The following SIPA1L1 variants were observed in gnomAD, a reference collection of about 807,000 sequenced individuals.
SIPA1L1 encodes signal-induced proliferation-associated 1-like protein 1.
Under a neutral mutation model 162.7 loss-of-function variants are expected in SIPA1L1, and 26 were observed. The ratio of observed to expected loss-of-function variants is 0.16; its 90% CI spans 0.12 to 0.22. The LOEUF is 0.22. SIPA1L1 is among the 10% of genes least tolerant of loss of function. The pLI is 1.00. For missense variants in SIPA1L1, 1,874 were observed against 2,241.0 expected, an observed-to-expected ratio of 0.84 and a Z score of 3.31; for synonymous variants, 829 against 837.4, an observed-to-expected ratio of 0.99 and a Z score of 0.17.
chr14:71,489,476 G>A (rs1291501864), intron 2 of SIPA1L1, among the ~76,000 whole-genome samples: 1 of 152,116 alleles, frequency 6.6e-6, no homozygotes, highest in African/African-American at 2.4e-5. Flanking sequence ...ACTAGGAAAG[G>A]TTAGAGAACA....
intron 4 of SIPA1L1, among the ~76,000 whole-genome samples, chr14:71,553,876 C>A (rs995595158): frequency 1.3e-5 from 2 of 152,000 alleles, no homozygotes; most frequent in Non-Finnish European, 2.9e-5. Context: ...TAAATTGAGA[C>A]CTTAGCATAG....
intron 7 of SIPA1L1, among the ~76,000 whole-genome samples, chr14:71,642,818 A>C (rs907543186): frequency 6.6e-5 from 10 of 152,198 alleles, no homozygotes; most frequent in Admixed American, 5.2e-4. Flanking sequence ...CATTAAGTAG[A>C]AATCTGGAAA....
At chr14:71,412,806 T>TTA (rs2042499017) in intron 2 of SIPA1L1, among the ~76,000 whole-genome samples, 2 of 152,244 alleles carry the variant, frequency 1.3e-5, no homozygotes, top group African/African-American at 4.8e-5. Flanking sequence ...TTGGAAGCTC[T>TTA]TATGGACGTG....
At chr14:71,726,451 A>C (rs915228991) in intron 19 of SIPA1L1, among the ~76,000 whole-genome samples, 1 of 152,188 alleles carries the variant, frequency 6.6e-6, no homozygotes, top group Admixed American at 6.5e-5. Context: ...TTTTCTTCCA[A>C]CTCCTAGTTT....
chr14:71,492,828 A>C (rs1024073771), intron 2 of SIPA1L1, among the ~76,000 whole-genome samples: 1 of 148,290 alleles, frequency 6.7e-6, no homozygotes, highest in South Asian at 2.1e-4. Flanking sequence ...GGTCCACTCT[A>C]TTGCCCAGGC....
In SIPA1L1 at chr14:71,588,666, C is replaced by T. The variant is rs764913437; in HGVS notation, c.794C>T (p.Pro265Leu). The change falls in exon 5 of 24, where the codon CCT becomes CTT. Residue 265 changes from proline to leucine, a missense_variant. Pro to Leu is a moderately conservative substitution (Grantham distance 98). Transcript: ENST00000381232. This position sits in a 1 kb window ranked among gnomAD's most constrained non-coding sequence, Gnocchi z 4.3. ...SGFSLDVIDG[P>L]ISQRENLRLF... is the part of the protein sequence containing the mutation. Reference sequence around the variant, plus strand: ...TTCTCTTTGGATGTAATAGACGGGCCTATCTCACAGAGAGAGAACCTCAGG... The same window carrying T: ...TTCTCTTTGGATGTAATAGACGGGCTTATCTCACAGAGAGAGAACCTCAGG... The T allele has an allele frequency of 1.2e-6, 2 of 1,613,976 alleles. No individual in the cohort carries two copies. Among genetic ancestry groups the T allele is most frequent in the East Asian group, 2.2e-5 (1 of 44,850 alleles).
At chr14:71,676,925 G>T (rs954491743) in intron 12 of SIPA1L1, among the ~76,000 whole-genome samples, 3 of 152,040 alleles carry the variant, frequency 2.0e-5, no homozygotes, top group Admixed American at 6.5e-5. Context: ...GAATAGTGCC[G>T]CAATAAACAT....
chr14:71,531,691 A>G (rs557535228), intron 4 of SIPA1L1, among the ~76,000 whole-genome samples: 1 of 152,208 alleles, frequency 6.6e-6, no homozygotes, highest in Admixed American at 6.5e-5. Context: ...CAGCCTCCCA[A>G]TTAGCTGGGA....
chr14:71,724,618 T>C (rs569550313), intron 18 of SIPA1L1, 52 bp from the exon 19 acceptor site: 1 of 1,529,496 alleles, frequency 6.5e-7, no homozygotes, highest in Non-Finnish European at 8.9e-7. Context: ...ATCATGCCCT[T>C]GAGCCAGCCT....
chr14:71,549,396 A>G (rs977056030), intron 4 of SIPA1L1, among the ~76,000 whole-genome samples: 1 of 151,932 alleles, frequency 6.6e-6, no homozygotes, highest in East Asian at 1.9e-4. Context: ...GCTGTCCCAT[A>G]TGTGAACCAA....
At chr14:71,374,528 A>C (rs2039192778) in intron 2 of SIPA1L1, among the ~76,000 whole-genome samples, 1 of 151,672 alleles carries the variant, frequency 6.6e-6, no homozygotes, top group Admixed American at 6.6e-5. Context: ...TTTACATTTA[A>C]ACAAAGTTTT....
intron 4 of SIPA1L1, among the ~76,000 whole-genome samples, chr14:71,557,767 C>T (rs1474880900): frequency 6.6e-6 from 1 of 152,158 alleles, no homozygotes; most frequent in Non-Finnish European, 1.5e-5. Context: ...CCTTACTTTC[C>T]TGTGATAGTT....
chr14:71,629,021 T>A (rs1017207883), intron 7 of SIPA1L1, among the ~76,000 whole-genome samples: 2 of 152,104 alleles, frequency 1.3e-5, no homozygotes, highest in Non-Finnish European at 2.9e-5. Flanking sequence ...CACTGCAAGC[T>A]CCACCTCCCA....
At chr14:71,649,027 C>T (rs549146762) in intron 7 of SIPA1L1, among the ~76,000 whole-genome samples, 12 of 152,302 alleles carry the variant, frequency 7.9e-5, no homozygotes, top group African/African-American at 2.9e-4. Context: ...TAGTGCCTGG[C>T]ATATGATAGG....
rs2039557478 is a variant in SIPA1L1 at position 71,377,917 on chromosome 14, A to G, written c.-465+56736A>G. On this transcript the variant is annotated intron_variant, in intron 2 of 23. Coordinates refer to ENST00000381232, the MANE Select transcript of SIPA1L1 (RefSeq NM_001386936.1). This position sits in a 1 kb window ranked among gnomAD's most constrained non-coding sequence, Gnocchi z 4.8. ...GGCAGGGAGGTTGCAGTGAGCCGAG[A>G]TCGCAGCAGTACAGTCCAGCCTCGG... Among the ~76,000 whole-genome samples, 1 of 152,236 alleles carries G rather than the reference A, an allele frequency of 6.6e-6. No individual in the cohort carries two copies. Among genetic ancestry groups the G allele is most frequent in the Non-Finnish European group, 1.5e-5 (1 of 68,030 alleles).
chr14:71,504,288 T>C (rs975108780), intron 2 of SIPA1L1, among the ~76,000 whole-genome samples: 1 of 152,204 alleles, frequency 6.6e-6, no homozygotes, highest in Non-Finnish European at 1.5e-5. Flanking sequence ...AATGTGTATA[T>C]GTAAGATTTA....
At chr14:71,394,053 G>T (rs769220002) in intron 2 of SIPA1L1, among the ~76,000 whole-genome samples, 1 of 152,228 alleles carries the variant, frequency 6.6e-6, no homozygotes, top group Admixed American at 6.5e-5. Flanking sequence ...CTAGGGCAGC[G>T]TTGTTATCTT....
At chr14:71,330,772 C>T in intron 2 of SIPA1L1, 1 of 762,002 alleles carries the variant, frequency 1.3e-6, no homozygotes, top group Non-Finnish European at 2.4e-6. Flanking sequence ...GGGCAAGGCC[C>T]AGTGGGCTGT....
At chr14:71,344,818 A>T (rs1425821767) in intron 2 of SIPA1L1, among the ~76,000 whole-genome samples, 1 of 152,162 alleles carries the variant, frequency 6.6e-6, no homozygotes, top group East Asian at 1.9e-4. Flanking sequence ...CGCCAGCTTC[A>T]GTCTCCCAAA....
Sources: allele counts gnomAD v4.1 joint callset (sites outside exome capture counted in the v4.1 genomes callset), GRCh38; gene constraint gnomAD v4.1.1; non-coding constraint Gnocchi (gnomAD v3.1); transcripts MANE v1.5; gene names NCBI Gene and HGNC (gene_info 2026-07-23, HGNC 2026-07-21).